Variants in CFAP299 observed in about 807,000 individuals in gnomAD.
CFAP299 encodes the protein cilia- and flagella-associated protein 299.
CFAP299 carries 21 observed loss-of-function variants against 27.0 expected under a neutral mutation model. That is an observed-to-expected ratio of 0.78 (90% CI 0.55 to 1.12). The LOEUF (loss-of-function observed/expected upper bound fraction) is 1.12, where lower values mean the gene tolerates loss of function less well. CFAP299 is among the 50% of genes most tolerant of loss of function. The probability of loss-of-function intolerance (pLI) is 0.00; values close to 1 mark genes in which losing one functional copy is unlikely to be tolerated. For synonymous variants in CFAP299, 104 were observed against 98.1 expected, an observed-to-expected ratio of 1.06 and a Z score of -0.36; for missense variants, 310 against 276.6, an observed-to-expected ratio of 1.12 and a Z score of -0.86.
intron 3 of CFAP299, among the ~76,000 whole-genome samples, chr4:80,800,790 T>C: frequency 7.2e-6 from 1 of 139,422 alleles, no homozygotes; most frequent in East Asian, 2.0e-4. Context: ...TGTATACATA[T>C]ATATATATGA....
intron 2 of CFAP299, among the ~76,000 whole-genome samples, chr4:80,390,959 ATATG>A (rs1725439016): frequency 2.4e-5 from 1 of 41,252 alleles, no homozygotes; most frequent in African/African-American, 4.4e-5. Flanking sequence ...ACACATGTAT[ATATG>A]TATATATGTA....
chr4:80,425,261 C>G (rs1363034380), intron 2 of CFAP299, among the ~76,000 whole-genome samples: 1 of 152,132 alleles, frequency 6.6e-6, no homozygotes, highest in African/African-American at 2.4e-5. Context: ...CATACTCTTT[C>G]ACATGGTATT....
chr4:80,958,129 T>C (rs1204430532), intron 5 of CFAP299, among the ~76,000 whole-genome samples: 1 of 152,152 alleles, frequency 6.6e-6, no homozygotes, highest in Non-Finnish European at 1.5e-5. Flanking sequence ...CCTGTAACTT[T>C]GGGTAAATTA....
intron 2 of CFAP299, among the ~76,000 whole-genome samples, chr4:80,414,944 C>T (rs1056305787): frequency 6.6e-6 from 1 of 152,124 alleles, no homozygotes; most frequent in African/African-American, 2.4e-5. Flanking sequence ...CCTTTTGGTT[C>T]ACCATTGTGA....
In CFAP299 at chr4:80,963,511, T is replaced by A. The variant is rs1578272320; in HGVS notation, c.607-6T>A. The A allele has an allele frequency of 6.4e-7, 1 of 1,571,604 alleles. No homozygotes were observed. Among genetic ancestry groups the A allele is most frequent in the East Asian group, 2.3e-5 (1 of 43,852 alleles). ...CTTGACTAACAATGTAATTTATGTA[T>A]TTTAGGCGCAGCCAGGTGACAACTC... is the stretch of plus-strand genomic sequence containing the variant. On this transcript the variant is annotated splice_polypyrimidine_tract_variant and splice_region_variant and intron_variant, in intron 5 of 5. Transcript: ENST00000358105.
At chr4:80,468,118 A>G (rs544547485) in intron 2 of CFAP299, among the ~76,000 whole-genome samples, 1 of 152,346 alleles carries the variant, frequency 6.6e-6, no homozygotes, top group South Asian at 2.1e-4. Context: ...CTACATAGGT[A>G]TAATCTTGCT....
At chr4:80,700,546 G>C (rs905964682) in intron 3 of CFAP299, among the ~76,000 whole-genome samples, 4 of 152,156 alleles carry the variant, frequency 2.6e-5, no homozygotes, top group South Asian at 4.1e-4. Context: ...CTAAGTAGCA[G>C]TATACAGCAA....
intron 3 of CFAP299, among the ~76,000 whole-genome samples, chr4:80,682,822 A>G (rs909623617): frequency 6.6e-6 from 1 of 152,078 alleles, no homozygotes; most frequent in Non-Finnish European, 1.5e-5. Context: ...GTCATCCCAC[A>G]TATTAAAACT....
chr4:80,826,698 A>G (rs1245706054), intron 3 of CFAP299, among the ~76,000 whole-genome samples: 1 of 151,884 alleles, frequency 6.6e-6, no homozygotes, highest in Non-Finnish European at 1.5e-5. Flanking sequence ...ACAATAAAAT[A>G]GCTAAATCTA....
At chr4:80,891,944 T>A (rs960044893) in intron 4 of CFAP299, among the ~76,000 whole-genome samples, 1 of 151,014 alleles carries the variant, frequency 6.6e-6, no homozygotes, top group Non-Finnish European at 1.5e-5. Context: ...CAAAGCAATC[T>A]ACAGAATCAA....
At chr4:80,621,437 T>G (rs1738600986) in intron 3 of CFAP299, among the ~76,000 whole-genome samples, 1 of 152,172 alleles carries the variant, frequency 6.6e-6, no homozygotes, top group African/African-American at 2.4e-5. Flanking sequence ...TTTTTCACTC[T>G]TTTTCATATG....
intron 3 of CFAP299, among the ~76,000 whole-genome samples, chr4:80,617,937 A>G (rs889432218): frequency 1.3e-5 from 2 of 152,176 alleles, no homozygotes; most frequent in Admixed American, 6.6e-5. Context: ...AAAAATACGT[A>G]GGGTCATGTT....
In CFAP299 at chr4:80,469,840, T is replaced by C. The variant is rs575608592; in HGVS notation, c.242+106956T>C. Among the ~76,000 whole-genome samples, 44 of 152,294 alleles carry C rather than the reference T, an allele frequency of 2.9e-4. 1 individual carries two copies. Among genetic ancestry groups the C allele is most frequent in the African/African-American group, 1.0e-3 (43 of 41,570 alleles). On this transcript the variant is annotated intron_variant, in intron 2 of 5. Transcript: ENST00000358105. Reference sequence around the variant, plus strand: ...CTTCTTGTATATTTACCTGCTCCTTTCCCTGGTTCTTTTCATCCTTTTTCT... The same window carrying C: ...CTTCTTGTATATTTACCTGCTCCTTCCCCTGGTTCTTTTCATCCTTTTTCT...
intron 3 of CFAP299, among the ~76,000 whole-genome samples, chr4:80,649,745 T>G (rs939880397): frequency 6.6e-6 from 1 of 152,096 alleles, no homozygotes; most frequent in Non-Finnish European, 1.5e-5. Flanking sequence ...AACTTTTTTG[T>G]GTATAAAAGA....
At chr4:80,623,891 G>A (rs778639661) in intron 3 of CFAP299, among the ~76,000 whole-genome samples, 14 of 152,124 alleles carry the variant, frequency 9.2e-5, no homozygotes, top group Non-Finnish European at 1.2e-4. Flanking sequence ...ATTTCTGGTA[G>A]CTCTAGACAT....
intron 2 of CFAP299, among the ~76,000 whole-genome samples, chr4:80,466,061 G>GT (rs919587964): frequency 6.6e-6 from 1 of 152,182 alleles, no homozygotes; most frequent in Non-Finnish European, 1.5e-5. Context: ...CAATTTCTAG[G>GT]TTTTCAGGCT....
chr4:80,817,102 A>G (rs1729458938), intron 3 of CFAP299, among the ~76,000 whole-genome samples: 1 of 152,106 alleles, frequency 6.6e-6, no homozygotes. Context: ...GTGTCCCTGG[A>G]GGCAACCTAT....
intron 2 of CFAP299, among the ~76,000 whole-genome samples, chr4:80,538,293 G>C (rs778711925): frequency 1.7e-4 from 26 of 151,878 alleles, no homozygotes; most frequent in Non-Finnish European, 2.2e-4. Context: ...TTTAAGCTCA[G>C]TGTTATTTAA....
chr4:80,369,385 A>G (rs1359349957), intron 2 of CFAP299, among the ~76,000 whole-genome samples: 2 of 152,112 alleles, frequency 1.3e-5, no homozygotes, highest in East Asian at 1.9e-4. Flanking sequence ...CTCTTCCACT[A>G]TCCATTCTAA....
Sources: gnomAD v4.1 joint callset for allele counts (sites outside exome capture counted in the v4.1 genomes callset) on GRCh38, gnomAD v4.1.1 for gene constraint, MANE v1.5 for transcripts, NCBI Gene and HGNC (gene_info 2026-07-23, HGNC 2026-07-21) for gene names.